The following AKT3 variants were observed in gnomAD, a reference collection of about 807,000 sequenced individuals.
AKT3 encodes the protein AKT serine/threonine kinase 3.
Under a neutral mutation model 65.3 loss-of-function variants are expected in AKT3, and 15 were observed. That is an observed-to-expected ratio of 0.23 (90% CI 0.15 to 0.35). The LOEUF (loss-of-function observed/expected upper bound fraction) is 0.35. AKT3 is among the 10% of genes least tolerant of loss of function. AKT3 has a pLI of 1.00. For synonymous variants in AKT3, 206 were observed against 183.8 expected (o/e 1.12, Z -0.98); for missense variants, 243 against 576.5 (o/e 0.42, Z 5.92).
rs1262046948 is a variant in AKT3 at position 243,503,955 on chromosome 1, T to C, written c.*1294A>G. 4.4e-6 allele frequency: 1 copy of C among 226,434 alleles called. No homozygotes were observed. The highest frequency in any genetic ancestry group is 8.8e-6 in the Non-Finnish European group (1 of 113,598). The allele number at this position is 226,434 out of a possible 1,614,324, so 14.0% of individuals were successfully genotyped here. On this transcript the variant is annotated 3_prime_UTR_variant, in exon 14 of 14. Coordinates refer to ENST00000673466, the MANE Select transcript of AKT3 (RefSeq NM_005465.7). ...ATGAGCAAACGTCAACAGCTATTTGTTTCATTAACCCCTTGGCATGCATAG... is the reference window on the plus strand; with the variant it reads ...ATGAGCAAACGTCAACAGCTATTTGCTTCATTAACCCCTTGGCATGCATAG...
chr1:243,660,599 A>G (rs1278373530), intron 4 of AKT3, among the ~76,000 whole-genome samples: 4 of 152,220 alleles, frequency 2.6e-5, no homozygotes, highest in African/African-American at 7.2e-5. Context: ...CCCACAGCCA[A>G]TATCATACTG....
chr1:243,626,992 G>T (rs909777111), intron 6 of AKT3, among the ~76,000 whole-genome samples: 18 of 152,112 alleles, frequency 1.2e-4, no homozygotes, highest in African/African-American at 4.3e-4. Flanking sequence ...ACAGTATCAT[G>T]GTGGACCAAA....
At position 243,502,646 on chromosome 1, in the gene AKT3, CATGGCAGCTGACAG is replaced by C. The variant is rs1669390761; in HGVS notation, c.*2589_*2602del. 1 of 233,224 alleles carries C rather than the reference CATGGCAGCTGACAG, an allele frequency of 4.3e-6. No homozygotes were observed. Among genetic ancestry groups the C allele is most frequent in the Non-Finnish European group, 8.5e-6 (1 of 118,018 alleles). The allele number at this position is 233,224 out of a possible 1,614,324, so 14.4% of individuals were successfully genotyped here. On this transcript the variant is annotated 3_prime_UTR_variant, in exon 14 of 14. Transcript: ENST00000673466. ...CATTTCTGGTTTTCTATTATTCCTC[CATGGCAGCTGACAG>C]ATCTGGAAGTGAAAATAGGGGATTC... is the stretch of plus-strand genomic sequence containing the variant.
chr1:243,770,195 C>A (rs1281621896), intron 2 of AKT3, among the ~76,000 whole-genome samples: 2 of 152,064 alleles, frequency 1.3e-5, no homozygotes, highest in Non-Finnish European at 2.9e-5. Flanking sequence ...TTTGACTGCA[C>A]CTAGCACAGT....
At chr1:243,572,787 T>C in intron 9 of AKT3, 139 bp downstream of exon 9, 1 of 933,172 alleles carries the variant, frequency 1.1e-6, no homozygotes, top group Non-Finnish European at 1.5e-6. Flanking sequence ...TCAAATGTAG[T>C]GAACTAAATT....
At chr1:243,797,498 T>C (rs1692093376) in intron 2 of AKT3, among the ~76,000 whole-genome samples, 1 of 152,180 alleles carries the variant, frequency 6.6e-6, no homozygotes, top group South Asian at 2.1e-4. Flanking sequence ...ATCTACTAAA[T>C]GAGAATCTTG....
intron 2 of AKT3, among the ~76,000 whole-genome samples, chr1:243,753,498 T>C (rs1196698458): frequency 1.3e-5 from 2 of 152,122 alleles, no homozygotes; most frequent in Non-Finnish European, 2.9e-5. Flanking sequence ...CCCTTAGATA[T>C]ATATACACAC....
intron 9 of AKT3, among the ~76,000 whole-genome samples, chr1:243,569,004 G>T (rs1049750225): frequency 1.3e-5 from 2 of 152,168 alleles, no homozygotes; most frequent in African/African-American, 2.4e-5. Context: ...TAAGGGCTCC[G>T]ATGACTACTG....
chr1:243,536,403 A>G lies in AKT3; in HGVS notation c.1251+9107T>C, dbSNP rs901080156. On this transcript the variant is annotated intron_variant, in intron 12 of 13. Transcript: ENST00000673466. The stretch of plus-strand genomic sequence containing the variant: ...CAATCCATCTTGAGTTAATTCTTGC[A>G]TTTTTAATAGTGTTTGTTTTGTGCA... Among the ~76,000 whole-genome samples the G allele has an allele frequency of 3.3e-5, 5 of 152,234 alleles. No homozygotes were observed. The East Asian group carries it at 9.7e-4, about 29-fold the overall frequency.
intron 3 of AKT3, among the ~76,000 whole-genome samples, chr1:243,671,240 G>T (rs1437750718): frequency 6.6e-6 from 1 of 151,970 alleles, no homozygotes; most frequent in African/African-American, 2.4e-5. Context: ...ACCACATCCA[G>T]CTAATTTTTT....
chr1:243,593,708 T>A (rs976534627), intron 8 of AKT3, among the ~76,000 whole-genome samples: 17 of 152,084 alleles, frequency 1.1e-4, no homozygotes, highest in African/African-American at 4.1e-4. Flanking sequence ...AACAACCATA[T>A]GATCACCTCA....
rs1402794228 is a variant in AKT3 at position 243,504,643 on chromosome 1, T to C, written c.*606A>G. 5.8e-6 allele frequency: 1 copy of C among 173,158 alleles called. No individual in the cohort carries two copies. The highest frequency in any genetic ancestry group is 1.2e-5 in the Non-Finnish European group (1 of 80,494). The allele number at this position is 173,158 out of a possible 1,614,324, so 10.7% of individuals were successfully genotyped here. A position where few individuals can be genotyped will look rare whatever the true frequency, so the allele number is the denominator to read the frequency against. ...GAATTTAAAAAAAAAAAATTATATA[T>C]ATATATATATATCCCAACAGTTGTT... is the stretch of plus-strand genomic sequence containing the variant. On this transcript the variant is annotated 3_prime_UTR_variant, in exon 14 of 14. Transcript: ENST00000673466.
chr1:243,558,766 T>C (rs1673579497), intron 10 of AKT3, among the ~76,000 whole-genome samples: 1 of 152,090 alleles, frequency 6.6e-6, no homozygotes, highest in Non-Finnish European at 1.5e-5. Context: ...CTGCCTCTTT[T>C]TAGCATGTAC....
chr1:243,563,902 A>G, intron 9 of AKT3, 54 bp from the exon 10 acceptor site: 1 of 1,528,756 alleles, frequency 6.5e-7, no homozygotes, highest in Non-Finnish European at 8.8e-7. Context: ...ACAACATGAA[A>G]ATACCATTTT....
At chr1:243,783,545 A>C (rs573781116) in intron 2 of AKT3, among the ~76,000 whole-genome samples, 6 of 152,312 alleles carry the variant, frequency 3.9e-5, no homozygotes, top group Middle Eastern at 6.8e-3. Context: ...CATAAACTTC[A>C]GTTAATTAAG....
chr1:243,710,167 G>A lies in AKT3; in HGVS notation c.47-14451C>T, dbSNP rs900852466. ...ATATACATTAAAGCTAGAAGTTTCT[G>A]AAGTTTTCTGAATTATCCTGAAAAT... On this transcript the variant is annotated intron_variant, in intron 2 of 13. Coordinates refer to ENST00000673466, the MANE Select transcript of AKT3 (RefSeq NM_005465.7). Among the ~76,000 whole-genome samples, 3 of 152,052 alleles carry A rather than the reference G, an allele frequency of 2.0e-5. No homozygotes were observed. The East Asian group carries it at 5.8e-4, about 29-fold the overall frequency.
intron 11 of AKT3, among the ~76,000 whole-genome samples, chr1:243,546,042 G>A (rs1324516050): frequency 1.3e-5 from 2 of 152,156 alleles, no homozygotes; most frequent in African/African-American, 4.8e-5. Flanking sequence ...TGTCATGGGA[G>A]GTACCAGGTG....
intron 2 of AKT3, among the ~76,000 whole-genome samples, chr1:243,724,823 C>G (rs1253418630): frequency 6.6e-6 from 1 of 152,072 alleles, no homozygotes; most frequent in African/African-American, 2.4e-5. Context: ...AAAATACTTT[C>G]CAGTTTCTGA....
intron 6 of AKT3, among the ~76,000 whole-genome samples, chr1:243,629,237 T>C (rs545957498): frequency 1.6e-4 from 24 of 152,132 alleles, no homozygotes; most frequent in African/African-American, 1.2e-4. Flanking sequence ...GTTTGCACCA[T>C]TGCATTCCAG....
Sources: gnomAD v4.1 joint callset for allele counts (sites outside exome capture counted in the v4.1 genomes callset) on GRCh38, gnomAD v4.1.1 for gene constraint, MANE v1.5 for transcripts, NCBI Gene and HGNC (gene_info 2026-07-23, HGNC 2026-07-21) for gene names.